Variants in SPATA16 observed in about 807,000 individuals in gnomAD.
SPATA16 encodes the protein spermatogenesis-associated protein 16.
A neutral mutation model predicts 63.3 loss-of-function variants in SPATA16; 36 were observed. The ratio of observed to expected loss-of-function variants is 0.57; its 90% CI spans 0.44 to 0.75. The LOEUF (loss-of-function observed/expected upper bound fraction) is 0.75, where lower values mean the gene tolerates loss of function less well. SPATA16 is among the 30% of genes least tolerant of loss of function. SPATA16 has a pLI of 0.00. For synonymous variants in SPATA16, 203 were observed against 216.7 expected (o/e 0.94, Z 0.56); for missense variants, 646 against 679.3 (o/e 0.95, Z 0.54).
chr3:172,978,587 T>G (rs920685174), intron 4 of SPATA16, among the ~76,000 whole-genome samples: 25 of 152,336 alleles, frequency 1.6e-4, no homozygotes, highest in African/African-American at 5.8e-4. Context: ...TTGGGTACAC[T>G]TAGGTGACAA....
intron 4 of SPATA16, among the ~76,000 whole-genome samples, chr3:172,987,372 G>A (rs1430786488): frequency 6.6e-6 from 1 of 152,148 alleles, no homozygotes; most frequent in African/African-American, 2.4e-5. Flanking sequence ...CATCCCCACA[G>A]GGAATTTTCC....
chr3:173,019,440 T>G (rs1735266744), intron 4 of SPATA16, 46 bp downstream of exon 4: 1 of 1,494,758 alleles, frequency 6.7e-7, no homozygotes, highest in African/African-American at 1.4e-5. Context: ...AGAATAAAAT[T>G]AATTTGACTT....
At chr3:173,083,737 G>A (rs1394025559) in intron 2 of SPATA16, among the ~76,000 whole-genome samples, 3 of 152,164 alleles carry the variant, frequency 2.0e-5, no homozygotes, top group Non-Finnish European at 4.4e-5. Context: ...AAAACATGTG[G>A]TGTTTGGTTT....
intron 1 of SPATA16, among the ~76,000 whole-genome samples, chr3:173,121,377 A>T (rs181913779): frequency 2.0e-5 from 3 of 152,076 alleles, no homozygotes; most frequent in African/African-American, 7.2e-5. Context: ...CCTATAAACT[A>T]CTCTGAAGTC....
intron 2 of SPATA16, among the ~76,000 whole-genome samples, chr3:173,116,912 A>G (rs1737913409): frequency 1.3e-5 from 2 of 152,210 alleles, no homozygotes; most frequent in Admixed American, 1.3e-4. Flanking sequence ...TTATTTCTAT[A>G]TATCAAGTGC....
chr3:172,987,533 C>T (rs1015850656), intron 4 of SPATA16, among the ~76,000 whole-genome samples: 22 of 152,188 alleles, frequency 1.4e-4, no homozygotes, highest in African/African-American at 4.6e-4. Flanking sequence ...GTTCTTCAAT[C>T]TTGAACATGG....
In SPATA16 at chr3:173,092,085, C is replaced by T. The variant is rs868847244; in HGVS notation, c.612+25035G>A. 2.0e-4 allele frequency among the ~76,000 whole-genome samples: 31 copies of T among 152,266 alleles called. 1 individual carries two copies. Among genetic ancestry groups the T allele is most frequent in the Middle Eastern group, 6.8e-3 (2 of 294 alleles). On this transcript the variant is annotated intron_variant, in intron 2 of 10. Coordinates refer to ENST00000351008, the MANE Select transcript of SPATA16 (RefSeq NM_031955.6). Reference sequence around the variant, plus strand: ...TGTGCAACCATTCATCAAGACCCATCTGGATCAGCCCTGTGGGATAAGCAG... The same window carrying T: ...TGTGCAACCATTCATCAAGACCCATTTGGATCAGCCCTGTGGGATAAGCAG...
chr3:173,052,886 GAGA>G (rs2108296154), intron 2 of SPATA16, among the ~76,000 whole-genome samples: 2 of 152,276 alleles, frequency 1.3e-5, no homozygotes, highest in South Asian at 4.1e-4. Context: ...GTATATCACT[GAGA>G]AGACTTTTAA....
chr3:173,046,893 A>G (rs1735968373), intron 3 of SPATA16, among the ~76,000 whole-genome samples: 1 of 152,042 alleles, frequency 6.6e-6, no homozygotes, highest in African/African-American at 2.4e-5. Flanking sequence ...TATTAATTGT[A>G]CAAATTGACT....
intron 6 of SPATA16, among the ~76,000 whole-genome samples, chr3:172,948,652 T>G (rs968310526): frequency 6.8e-6 from 1 of 146,546 alleles, no homozygotes; most frequent in African/African-American, 2.8e-5. Flanking sequence ...TTTTTTGTAG[T>G]GATGGGGGTC....
At position 173,117,754 on chromosome 3, in the gene SPATA16, A is replaced by AG. The variant is rs753303918; in HGVS notation, c.-18-6dup. The AG allele has an allele frequency of 8.1e-6, 13 of 1,613,944 alleles. No individual in the cohort carries two copies. Among genetic ancestry groups the AG allele is most frequent in the African/African-American group, 5.3e-5 (4 of 74,936 alleles). ...CATCGATCCTGCCCAAAACTCCTGC[A>AG]GGGGGGAGAAAAAGGAAAGTAATTA... On this transcript the variant is annotated splice_region_variant and splice_polypyrimidine_tract_variant and intron_variant, in intron 1 of 10. Transcript: ENST00000351008.
intron 2 of SPATA16, among the ~76,000 whole-genome samples, chr3:173,058,720 T>G (rs1258082136): frequency 6.6e-6 from 1 of 152,050 alleles, no homozygotes; most frequent in African/African-American, 2.4e-5. Flanking sequence ...TCCTTTTACA[T>G]TAGGCTGTTC....
chr3:173,057,746 C>T (rs890237757), intron 2 of SPATA16, among the ~76,000 whole-genome samples: 1 of 152,150 alleles, frequency 6.6e-6, no homozygotes, highest in East Asian at 1.9e-4. Flanking sequence ...AGTACAGAAA[C>T]GGAGTAAGCG....
chr3:172,973,963 AC>A (rs1195573247), intron 5 of SPATA16, among the ~76,000 whole-genome samples: 2 of 152,174 alleles, frequency 1.3e-5, no homozygotes, highest in African/African-American at 4.8e-5. Context: ...AAGAGGTGAC[AC>A]TATTATAGAA....
intron 3 of SPATA16, among the ~76,000 whole-genome samples, chr3:173,020,461 C>T (rs771878222): frequency 2.6e-5 from 4 of 152,066 alleles, no homozygotes; most frequent in Non-Finnish European, 5.9e-5. Flanking sequence ...TCACTTTGGA[C>T]CTCTGTTTTT....
At chr3:173,117,899 T>C (rs1577183903) in intron 1 of SPATA16, 150 bp from the exon 2 acceptor site, 4 of 1,318,518 alleles carry the variant, frequency 3.0e-6, no homozygotes, top group East Asian at 2.5e-5. Flanking sequence ...ATCTACTGAC[T>C]ATTTTAATAG....
chr3:173,107,725 T>G (rs925448088), intron 2 of SPATA16, among the ~76,000 whole-genome samples: 6 of 152,196 alleles, frequency 3.9e-5, no homozygotes, highest in Non-Finnish European at 5.9e-5. Context: ...TTTCAGAGTC[T>G]GTTTAACTAT....
In SPATA16 at chr3:173,045,729, C is replaced by T. The variant is rs543003607; in HGVS notation, c.758+3220G>A. On this transcript the variant is annotated intron_variant, in intron 3 of 10. Transcript: ENST00000351008. ...ACAGCATTTATCATACTCTTCATCT[C>T]ATATATATGCTAATATTTATTTATT... 7.9e-5 allele frequency among the ~76,000 whole-genome samples: 12 copies of T among 152,114 alleles called. No homozygotes were observed. The South Asian group carries it at 1.5e-3, about 18-fold the overall frequency.
At chr3:173,061,598 C>G (rs1004099269) in intron 2 of SPATA16, among the ~76,000 whole-genome samples, 2 of 152,180 alleles carry the variant, frequency 1.3e-5, no homozygotes, top group Non-Finnish European at 2.9e-5. Flanking sequence ...ATGTTCAAGA[C>G]ATCAAGGGTA....
Sources: gnomAD v4.1 joint callset for allele counts (sites outside exome capture counted in the v4.1 genomes callset) on GRCh38, gnomAD v4.1.1 for gene constraint, MANE v1.5 for transcripts, NCBI Gene and HGNC (gene_info 2026-07-23, HGNC 2026-07-21) for gene names.